The following ATXN2 variants were observed in gnomAD, a reference collection of about 807,000 sequenced individuals.
ATXN2 encodes ataxin 2, also known as ataxin-2.
A neutral mutation model predicts 138.6 loss-of-function variants in ATXN2; 37 were observed. That is an observed-to-expected ratio of 0.27 (90% CI 0.21 to 0.35). The LOEUF (loss-of-function observed/expected upper bound fraction) is 0.35, where lower values mean the gene tolerates loss of function less well. ATXN2 is among the 10% of genes least tolerant of loss of function. ATXN2 has a pLI of 1.00. For synonymous variants in ATXN2, 549 were observed against 543.7 expected (o/e 1.01, Z -0.13); for missense variants, 1,216 against 1,480.3 (o/e 0.82, Z 2.93).
Position 111,598,949 on chromosome 12 carries a change from G to GGCTGCGGCTGCGGCTGCTGCTGCT in ATXN2, c.85_86insAGCAGCAGCAGCCGCAGCCGCAGC (p.Gln28_Pro29insGlnGlnGlnGlnProGlnProGln). On this transcript the variant is annotated inframe_insertion, in exon 1 of 25. Coordinates refer to ENST00000673436, the MANE Select transcript of ATXN2 (RefSeq NM_001372574.1). The surrounding 1 kb of genome is among the most constrained non-coding windows in gnomAD (Gnocchi z 4.5). ...GCGGACATTGGCAGCCGCGGGCGGC[G>GGCTGCGGCTGCGGCTGCTGCTGCT]GCTGCTGCTGCTGCTGCTGCTGCTG... The GGCTGCGGCTGCGGCTGCTGCTGCT allele has an allele frequency of 7.1e-7, 1 of 1,411,776 alleles. No homozygotes were observed. The highest frequency in any genetic ancestry group is 2.9e-5 in the East Asian group (1 of 34,300). The allele number at this position is 1,411,776 out of a possible 1,614,324, so 87.5% of individuals were successfully genotyped here.
At chr12:111,496,730 C>T (rs570021743) in intron 14 of ATXN2, among the ~76,000 whole-genome samples, 34 of 151,828 alleles carry the variant, frequency 2.2e-4, no homozygotes, top group Non-Finnish European at 3.8e-4. Flanking sequence ...CTATAGGATA[C>T]AGTAAAAGCA....
At chr12:111,535,446 A>G (rs1323055188) in intron 5 of ATXN2, among the ~76,000 whole-genome samples, 3 of 151,746 alleles carry the variant, frequency 2.0e-5, no homozygotes, top group Admixed American at 2.0e-4. Flanking sequence ...AACACAGTGA[A>G]ACCCATCTCT....
At chr12:111,556,815 CAA>C (rs139710740) in intron 1 of ATXN2, among the ~76,000 whole-genome samples, 6 of 58,446 alleles carry the variant, frequency 1.0e-4, no homozygotes, top group Admixed American at 2.0e-4. Context: ...GACTCTGTCT[CAA>C]AAAAAAAAAA....
chr12:111,523,237 GA>G (rs919998280), intron 6 of ATXN2, among the ~76,000 whole-genome samples: 1 of 145,576 alleles, frequency 6.9e-6, no homozygotes, highest in Non-Finnish European at 1.5e-5. Context: ...CTCAAAAAAA[GA>G]AAAAAAAAAG....
chr12:111,525,752 T>C (rs1385972998), intron 5 of ATXN2, among the ~76,000 whole-genome samples: 1 of 151,546 alleles, frequency 6.6e-6, no homozygotes, highest in Non-Finnish European at 1.5e-5. Flanking sequence ...TGGCGTGATC[T>C]CGGCTCACTG....
Position 111,457,296 on chromosome 12 carries a change from G to A in ATXN2, c.2960C>T (p.Pro987Leu). ...GGGGGTAGCTGAAGGCTGAGGGTGT[G>A]GAGTATGTGGGTGCAGGGTAGCGTT... ...HPNATLHPHTPHPQPSATPTG... is the reference protein window; with the variant it reads ...HPNATLHPHTLHPQPSATPTG... The change falls in exon 22 of 25, where the codon CCA becomes CTA. Residue 987 changes from proline to leucine, a missense_variant. Physicochemically the swap from Pro to Leu is moderately conservative, Grantham distance 98. This residue lies in a region of ATXN2 where 490 missense variants were observed against 653.5 expected (regional missense o/e 0.75). Transcript: ENST00000673436. The A allele has an allele frequency of 6.2e-7, 1 of 1,614,140 alleles. No individual in the cohort carries two copies. Among genetic ancestry groups the A allele is most frequent in the Non-Finnish European group, 8.5e-7 (1 of 1,180,020 alleles).
chr12:111,549,518 AGAGT>A (rs1882009175), intron 5 of ATXN2, among the ~76,000 whole-genome samples: 1 of 151,822 alleles, frequency 6.6e-6, no homozygotes, highest in Non-Finnish European at 1.5e-5. Flanking sequence ...CCTGGGAAAT[AGAGT>A]GAGACTCCAT....
chr12:111,468,250 A>C (rs1415431878), intron 20 of ATXN2: 2 of 152,278 alleles, frequency 1.3e-5, no homozygotes, highest in Non-Finnish European at 2.9e-5. Flanking sequence ...ACTAAAGACA[A>C]GTCAAATGAC....
chr12:111,475,265 A>G (rs1876716329), intron 18 of ATXN2, among the ~76,000 whole-genome samples: 1 of 141,496 alleles, frequency 7.1e-6, no homozygotes, highest in South Asian at 2.3e-4. Context: ...AATTGCTTGA[A>G]CCCCAGAGGG....
At chr12:111,549,097 C>T (rs1386992679) in intron 5 of ATXN2, among the ~76,000 whole-genome samples, 1 of 152,092 alleles carries the variant, frequency 6.6e-6, no homozygotes, top group African/African-American at 2.4e-5. Flanking sequence ...AGCTCACACC[C>T]TGACTGTCCA....
At chr12:111,582,593 G>A (rs1018940237) in intron 1 of ATXN2, among the ~76,000 whole-genome samples, 9 of 152,202 alleles carry the variant, frequency 5.9e-5, no homozygotes, top group African/African-American at 2.2e-4. Context: ...GGGCAATACA[G>A]CAAGATCCCA....
At chr12:111,553,259 T>C (rs1882211555) in intron 3 of ATXN2, among the ~76,000 whole-genome samples, 1 of 152,128 alleles carries the variant, frequency 6.6e-6, no homozygotes. Flanking sequence ...GACAATCAAC[T>C]ACTAACATTA....
At chr12:111,486,499 G>A (rs1877652595) in intron 16 of ATXN2, among the ~76,000 whole-genome samples, 1 of 152,130 alleles carries the variant, frequency 6.6e-6, no homozygotes, top group Non-Finnish European at 1.5e-5. Flanking sequence ...CTATAAACCT[G>A]ACAGCCTAGC....
chr12:111,541,257 A>T (rs537490511), intron 5 of ATXN2, among the ~76,000 whole-genome samples: 11 of 149,932 alleles, frequency 7.3e-5, no homozygotes, highest in African/African-American at 2.7e-4. Context: ...TTTCCTCCAG[A>T]ATTAAAGTGC....
At chr12:111,570,297 A>C (rs1883247209) in intron 1 of ATXN2, among the ~76,000 whole-genome samples, 1 of 152,166 alleles carries the variant, frequency 6.6e-6, no homozygotes, top group Non-Finnish European at 1.5e-5. Flanking sequence ...AAAGACTATC[A>C]GTGGAGGAGA....
At chr12:111,531,036 T>C (rs1333985408) in intron 5 of ATXN2, among the ~76,000 whole-genome samples, 1 of 151,918 alleles carries the variant, frequency 6.6e-6, no homozygotes, top group Non-Finnish European at 1.5e-5. Context: ...GAGAATCACT[T>C]GAACCTGGGA....
In ATXN2 at chr12:111,597,620, C is replaced by G. The variant is rs974526367; in HGVS notation, c.251+1164G>C. 39 of 415,824 alleles carry G rather than the reference C, an allele frequency of 9.4e-5. 1 individual carries two copies. The highest frequency in any genetic ancestry group is 8.4e-5 in the Admixed American group (3 of 35,856). 25.8% of individuals were successfully genotyped at this position (415,824 alleles called of 1,614,324 possible). On this transcript the variant is annotated intron_variant, in intron 1 of 24. Coordinates refer to ENST00000673436, the MANE Select transcript of ATXN2 (RefSeq NM_001372574.1). Reference sequence around the variant, plus strand: ...TGAAATACGAACTGACAACCGCCCGCCACCCCCAACAGGCCCTCCTGCACA... The same window carrying G: ...TGAAATACGAACTGACAACCGCCCGGCACCCCCAACAGGCCCTCCTGCACA...
At chr12:111,481,716 T>C (rs1877253418) in intron 18 of ATXN2, among the ~76,000 whole-genome samples, 1 of 152,104 alleles carries the variant, frequency 6.6e-6, no homozygotes, top group Non-Finnish European at 1.5e-5. Context: ...GGTGCAGTGG[T>C]GTGATCTCAG....
Position 111,457,297 on chromosome 12 carries a change from G to A in ATXN2, c.2959C>T (p.Pro987Ser). Residue 987 changes from proline (P) to serine (S), a missense_variant, in exon 22 of 25, where the codon CCA (proline) becomes TCA (serine). Around this residue, in one of 4 missense-constraint regions of ATXN2, gnomAD observed 490 missense variants for 653.5 expected, o/e 0.75. Coordinates refer to ENST00000673436, the MANE Select transcript of ATXN2 (RefSeq NM_001372574.1). The part of the protein sequence containing the change: ...HPNATLHPHT[P>S]HPQPSATPTG... Reference sequence around the variant, plus strand: ...GGGGTAGCTGAAGGCTGAGGGTGTGGAGTATGTGGGTGCAGGGTAGCGTTA... The same window carrying A: ...GGGGTAGCTGAAGGCTGAGGGTGTGAAGTATGTGGGTGCAGGGTAGCGTTA... The A allele has an allele frequency of 1.2e-6, 2 of 1,614,152 alleles. No homozygotes were observed. The highest frequency in any genetic ancestry group is 1.7e-6 in the Non-Finnish European group (2 of 1,180,028).
Sources: gnomAD v4.1 joint callset for allele counts (sites outside exome capture counted in the v4.1 genomes callset) on GRCh38, gnomAD v4.1.1 for gene constraint, gnomAD v4.1.1 regional missense constraint, Gnocchi (gnomAD v3.1) non-coding constraint, MANE v1.5 for transcripts, NCBI Gene and HGNC (gene_info 2026-07-23, HGNC 2026-07-21) for gene names.